Variants in FAM135B observed in about 807,000 individuals in gnomAD.
The protein encoded by FAM135B is protein FAM135B.
FAM135B carries 43 observed loss-of-function variants against 127.7 expected under a neutral mutation model. The observed-to-expected ratio is 0.34, with a 90% CI of 0.26 to 0.43. FAM135B has a LOEUF of 0.43. FAM135B is among the 20% of genes least tolerant of loss of function. FAM135B has a pLI of 1.00. For synonymous variants in FAM135B, 670 were observed against 665.1 expected (o/e 1.01, Z -0.11); for missense variants, 1,558 against 1,725.6 (o/e 0.90, Z 1.72).
intron 1 of FAM135B, chr8:138,441,474 C>T (rs1430416512): frequency 6.6e-6 from 1 of 152,200 alleles, no homozygotes; most frequent in Non-Finnish European, 1.5e-5. Context: ...TGAGACCAAA[C>T]TGGAAATCTT....
chr8:138,339,255 A>G (rs1477015129), intron 2 of FAM135B, among the ~76,000 whole-genome samples: 1 of 152,100 alleles, frequency 6.6e-6, no homozygotes, highest in African/African-American at 2.4e-5. Flanking sequence ...AATTTAAAGT[A>G]TAATTTAAAA....
intron 1 of FAM135B, among the ~76,000 whole-genome samples, chr8:138,491,167 A>AAAAAAAAAAAAAAAAC (rs1564040507): frequency 3.3e-5 from 5 of 151,422 alleles, no homozygotes; most frequent in African/African-American, 1.2e-4. Context: ...AAAGAAAGAA[A>AAAAAAAAAAAAAAAAC]GAAAGAAAGA....
chr8:138,221,187 C>G (rs1176937451), intron 7 of FAM135B, among the ~76,000 whole-genome samples: 1 of 152,124 alleles, frequency 6.6e-6, no homozygotes, highest in Non-Finnish European at 1.5e-5. Context: ...GCAGGCTGCC[C>G]AGGAAGCATA....
At chr8:138,397,945 C>T (rs768565330) in intron 1 of FAM135B, among the ~76,000 whole-genome samples, 4 of 152,158 alleles carry the variant, frequency 2.6e-5, no homozygotes, top group Non-Finnish European at 5.9e-5. Flanking sequence ...CCTGACACCA[C>T]ATCTGTTCTC....
rs570959878 is a variant in FAM135B, at chr8:138,152,282, T to C, written c.2193A>G (p.Gly731=). Residue 731 remains glycine (G), a synonymous_variant, in exon 13 of 20, where the codon GGA becomes GGG. Transcript: ENST00000395297. The stretch of plus-strand genomic sequence containing the variant: ...GCAAACTTGTGTTACTTTCTGTGTG[T>C]CCACCCTCTAGGGAGTTCCGGTGGA... ...HALHRNSLEG[G]HTESNTSLPS... is the part of the protein sequence containing the mutation. 55 of 1,614,066 alleles carry C rather than the reference T, an allele frequency of 3.4e-5. No homozygotes were observed. The South Asian group carries it at 4.3e-4, about 13-fold the overall frequency.
intron 7 of FAM135B, among the ~76,000 whole-genome samples, chr8:138,204,276 TCAC>T (rs1004289563): frequency 1.3e-5 from 2 of 152,106 alleles, no homozygotes; most frequent in African/African-American, 4.8e-5. Context: ...ACCCTACACA[TCAC>T]CAAGATGCAG....
At chr8:138,405,542 C>A (rs1833428802) in intron 1 of FAM135B, among the ~76,000 whole-genome samples, 1 of 151,794 alleles carries the variant, frequency 6.6e-6, no homozygotes, top group Admixed American at 6.6e-5. Flanking sequence ...AGGACATGAA[C>A]TCATCATTTT....
intron 4 of FAM135B, among the ~76,000 whole-genome samples, chr8:138,257,655 C>G (rs1304794079): frequency 6.6e-6 from 1 of 152,020 alleles, no homozygotes; most frequent in Non-Finnish European, 1.5e-5. Flanking sequence ...CCTTTTCATC[C>G]GTAACCACAA....
At chr8:138,286,176 T>C (rs1824672253) in intron 3 of FAM135B, among the ~76,000 whole-genome samples, 2 of 152,162 alleles carry the variant, frequency 1.3e-5, no homozygotes, top group South Asian at 4.1e-4. Context: ...GGACCTGTTA[T>C]ATAACAATAA....
intron 2 of FAM135B, among the ~76,000 whole-genome samples, chr8:138,354,826 GA>G (rs1829991654): frequency 6.6e-6 from 1 of 152,118 alleles, no homozygotes. Flanking sequence ...TTTTGAGGAG[GA>G]AAACATCGGC....
At chr8:138,369,478 T>A (rs1013174846) in intron 1 of FAM135B, among the ~76,000 whole-genome samples, 1 of 152,146 alleles carries the variant, frequency 6.6e-6, no homozygotes. Context: ...AAATGTTTCA[T>A]CCGGGAAATA....
At chr8:138,133,432 T>C (rs1206096332) in intron 19 of FAM135B, among the ~76,000 whole-genome samples, 1 of 152,208 alleles carries the variant, frequency 6.6e-6, no homozygotes, top group African/African-American at 2.4e-5. Context: ...ATAGATAGAT[T>C]TGCACACCTG....
intron 2 of FAM135B, among the ~76,000 whole-genome samples, chr8:138,342,915 A>G (rs374718445): frequency 6.6e-5 from 10 of 152,254 alleles, no homozygotes; most frequent in Non-Finnish European, 1.2e-4. Context: ...TGCATGCACA[A>G]ATCCCATGGC....
intron 3 of FAM135B, among the ~76,000 whole-genome samples, chr8:138,290,361 T>C (rs1825014865): frequency 6.6e-6 from 1 of 152,210 alleles, no homozygotes; most frequent in Non-Finnish European, 1.5e-5. Flanking sequence ...CTTAGCCATG[T>C]CACCTCTCAG....
chr8:138,178,631 C>A lies in FAM135B; in HGVS notation c.933G>T (p.Thr311=), dbSNP rs376834770. ...GGGTCCACAGAGTCATCATGTGGGA[C>A]GTGAGCCAGGCCAGATCCTTGCTTA... ...EQISKDLAWL[T]SHMMTLWTQF... is the part of the protein sequence containing the mutation. The change falls in exon 10 of 20, where the codon ACG becomes ACT. Residue 311 remains threonine, a synonymous_variant. Transcript: ENST00000395297. 6 of 1,613,876 alleles carry A rather than the reference C, an allele frequency of 3.7e-6. No homozygotes were observed. The African/African-American group carries it at 8.0e-5, about 22-fold the overall frequency.
intron 4 of FAM135B, among the ~76,000 whole-genome samples, chr8:138,265,126 G>A (rs898988769): frequency 9.2e-5 from 14 of 152,102 alleles, no homozygotes; most frequent in Non-Finnish European, 1.0e-4. Context: ...CCCCTTGTTC[G>A]ATGCCCTTCC....
rs147608355 is a variant in FAM135B at position 138,325,728 on chromosome 8, T to C, written c.78-14808A>G. Among the ~76,000 whole-genome samples, 23 of 152,308 alleles carry C rather than the reference T, an allele frequency of 1.5e-4. No homozygotes were observed. In the East Asian group the frequency reaches 4.4e-3, roughly 29 times the overall value. On this transcript the variant is annotated intron_variant, in intron 2 of 19. Coordinates refer to ENST00000395297, the MANE Select transcript of FAM135B (RefSeq NM_015912.4). ...TTCTCCCATTGCCTCCTCTTCTCGTTCATATTAAAACAAAACAAAGCAAGT... is the reference window on the plus strand; with the variant it reads ...TTCTCCCATTGCCTCCTCTTCTCGTCCATATTAAAACAAAACAAAGCAAGT...
At chr8:138,379,674 G>A (rs1002827072) in intron 1 of FAM135B, among the ~76,000 whole-genome samples, 1 of 152,114 alleles carries the variant, frequency 6.6e-6, no homozygotes, top group Non-Finnish European at 1.5e-5. Context: ...TTCAGATGTA[G>A]GTTCCCATCT....
At chr8:138,374,733 G>A (rs889271049) in intron 1 of FAM135B, among the ~76,000 whole-genome samples, 4 of 152,180 alleles carry the variant, frequency 2.6e-5, no homozygotes, top group Non-Finnish European at 5.9e-5. Context: ...TTTGTCATTA[G>A]AGGTATCCGA....
Sources: gnomAD v4.1 joint callset for allele counts (sites outside exome capture counted in the v4.1 genomes callset) on GRCh38, gnomAD v4.1.1 for gene constraint, MANE v1.5 for transcripts, NCBI Gene and HGNC (gene_info 2026-07-23, HGNC 2026-07-21) for gene names.